RAB43: variants seen among roughly 807,000 people sequenced by gnomAD.
The protein encoded by RAB43 is ras-related protein Rab-43.
In RAB43, 6 loss-of-function variants were observed where a neutral mutation model predicts 18.8. That is an observed-to-expected ratio of 0.32 (90% CI 0.17 to 0.63). The LOEUF is 0.63. RAB43 is among the 30% of genes least tolerant of loss of function. The pLI is 0.79. For synonymous variants in RAB43, 103 were observed against 124.1 expected (o/e 0.83, Z 1.13); for missense variants, 195 against 289.1 (o/e 0.67, Z 2.36).
intron 2 of RAB43, among the ~76,000 whole-genome samples, chr3:129,094,664 G>A (rs1032826414): frequency 7.9e-5 from 12 of 151,390 alleles, no homozygotes; most frequent in African/African-American, 2.7e-4. Context: ...ACAGGCGCCT[G>A]CCACCACAAC....
At chr3:129,099,934 T>C (rs930343888) in intron 1 of RAB43, among the ~76,000 whole-genome samples, 2 of 152,232 alleles carry the variant, frequency 1.3e-5, no homozygotes, top group African/African-American at 2.4e-5. Flanking sequence ...CAGGAAAAGA[T>C]AGTGATAATG....
Position 129,094,993 on chromosome 3 carries a change from C to A in RAB43, c.381G>T (p.Leu127=). ...GAGGAATCCCCAACTCACCGATCAG[C>A]AGCTGCACAATGTTGGAGCCCGCAT... ...RKYAGSNIVQ[L]LIGNKSDLSE... The change falls in exon 2 of 3, where the codon CTG becomes CTT. Residue 127 remains leucine, a synonymous_variant. Transcript: ENST00000315150. The A allele has an allele frequency of 1.2e-6, 2 of 1,610,364 alleles. No individual in the cohort carries two copies. The highest frequency in any genetic ancestry group is 1.7e-6 in the Non-Finnish European group (2 of 1,177,826).
Sources: allele counts gnomAD v4.1 joint callset (sites outside exome capture counted in the v4.1 genomes callset), GRCh38; gene constraint gnomAD v4.1.1; transcripts MANE v1.5; gene names NCBI Gene and HGNC (gene_info 2026-07-23, HGNC 2026-07-21).